DSP: variants seen among roughly 807,000 people sequenced by gnomAD.
DSP encodes the protein 250/210 kDa paraneoplastic pemphigus antigen.
In DSP, 114 loss-of-function variants were observed where a neutral mutation model predicts 290.6. That is an observed-to-expected ratio of 0.39 (90% CI 0.34 to 0.46). The LOEUF (loss-of-function observed/expected upper bound fraction) is 0.46, where lower values mean the gene tolerates loss of function less well. DSP is among the 20% of genes least tolerant of loss of function. DSP has a pLI of 0.99. For missense variants in DSP, 3,230 were observed against 3,495.8 expected (o/e 0.92, Z 1.92); for synonymous variants, 1,311 against 1,316.4 (o/e 1.00, Z 0.09).
intron 19 of DSP, 127 bp from the exon 20 acceptor site, chr6:7,576,832 T>C (rs1359462420): frequency 1.2e-6 from 1 of 852,376 alleles, no homozygotes; most frequent in Non-Finnish European, 1.8e-6. Context: ...TATAAAAATA[T>C]GAGACAAGTA....
chr6:7,573,959 T>C, intron 15 of DSP, 127 bp from the exon 16 acceptor site: 4 of 1,035,290 alleles, frequency 3.9e-6, no homozygotes, highest in Non-Finnish European at 5.8e-6. Context: ...GATGTGTTAA[T>C]TTACTTACCT....
chr6:7,568,745 T>C lies in DSP; in HGVS notation c.1419+156T>C, dbSNP rs1197040614. 3.9e-5 allele frequency among the ~76,000 whole-genome samples: 6 copies of C among 152,360 alleles called. No individual in the cohort carries two copies. The East Asian group carries it at 1.2e-3, about 29-fold the overall frequency. ...GCAGCTATGGAACAAAAGCAGCAGC[T>C]CTGTTCTGAATCATATGGTAGTTGT... is the stretch of plus-strand genomic sequence containing the variant. On this transcript the variant is annotated intron_variant, in intron 11 of 23. Transcript: ENST00000379802.
In DSP at chr6:7,555,837, C is replaced by A; in HGVS notation, c.273+17C>A. 1 of 1,610,372 alleles carries A rather than the reference C, an allele frequency of 6.2e-7. No individual in the cohort carries two copies. Among genetic ancestry groups the A allele is most frequent in the South Asian group, 1.1e-5 (1 of 90,726 alleles). Reference sequence around the variant, plus strand: ...GTGCAGCCTGTAAGCTTTCCCTGTTCCCATCGCTTCTCCCAAAGCCTTGGC... The same window carrying A: ...GTGCAGCCTGTAAGCTTTCCCTGTTACCATCGCTTCTCCCAAAGCCTTGGC... On this transcript the variant is annotated intron_variant, in intron 2 of 23. Coordinates refer to ENST00000379802, the MANE Select transcript of DSP (RefSeq NM_004415.4).
chr6:7,551,939 G>T (rs2237104), intron 1 of DSP, among the ~76,000 whole-genome samples: 40,358 of 151,854 alleles, frequency 0.27, 5,845 homozygotes, highest in African/African-American at 0.38. Flanking sequence ...TCTCGCCTCG[G>T]TCTGTTTCCA....
intron 1 of DSP, among the ~76,000 whole-genome samples, chr6:7,554,082 A>AACACACACACACACACAT (rs1758421942): frequency 8.6e-6 from 1 of 115,898 alleles, no homozygotes; most frequent in African/African-American, 3.7e-5. Flanking sequence ...CTTTCTTTAA[A>AACACACACACACACACAT]ACACACACAC....
In DSP at chr6:7,583,797, A is replaced by G; in HGVS notation, c.6535A>G (p.Lys2179Glu). 1 of 1,614,090 alleles carries G rather than the reference A, an allele frequency of 6.2e-7. No homozygotes were observed. Among genetic ancestry groups the G allele is most frequent in the Non-Finnish European group, 8.5e-7 (1 of 1,179,996 alleles). Residue 2179 changes from lysine to glutamate, a missense_variant, in exon 24 of 24, where the codon AAG (lysine) becomes GAG (glutamate). Lys to Glu is a moderately conservative substitution (Grantham distance 56). Transcript: ENST00000379802. This position sits in a 1 kb window ranked among gnomAD's most constrained non-coding sequence, Gnocchi z 4.0. ...QKNFVDPVTK[K>E]KVSYVQLKER... is the part of the protein sequence containing the mutation. ...AAACTTTGTGGATCCAGTCACCAAA[A>G]AGAAGGTCAGTTACGTGCAGCTGAA...
At chr6:7,577,966 T>C in intron 21 of DSP, 80 bp downstream of exon 21, 1 of 1,124,112 alleles carries the variant, frequency 8.9e-7, no homozygotes, top group Middle Eastern at 2.0e-4. Context: ...GCCTCTTCCC[T>C]TTTCCCTGTC....
chr6:7,567,577 C>T, intron 9 of DSP, 128 bp downstream of exon 9: 1 of 1,145,718 alleles, frequency 8.7e-7, no homozygotes, highest in Non-Finnish European at 1.3e-6. Context: ...ATTTTGAGTG[C>T]AGAGTAGCAT....
chr6:7,571,500 A>C lies in DSP; in HGVS notation c.1819A>C (p.Lys607Gln). Residue 607 changes from lysine (K) to glutamine (Q), a missense_variant, in exon 14 of 24, where the codon AAA (lysine) becomes CAA (glutamine). Physicochemically the swap from Lys to Gln is moderately conservative, Grantham distance 53. Around this residue, in one of 5 missense-constraint regions of DSP, gnomAD observed 81 missense variants for 130.5 expected, o/e 0.62. Transcript: ENST00000379802. ...GATGTTTGGAGATGATGACAAGCGG[A>C]AAATACAGTCTCAGTTCACCGATGC... ...SEMFGDDDKR[K>Q]IQSQFTDAQK... The C allele has an allele frequency of 6.2e-7, 1 of 1,614,244 alleles. No homozygotes were observed. Among genetic ancestry groups the C allele is most frequent in the Non-Finnish European group, 8.5e-7 (1 of 1,180,050 alleles).
chr6:7,575,507 G>T lies in DSP; in HGVS notation c.2630+19G>T. On this transcript the variant is annotated intron_variant, in intron 18 of 23. Transcript: ENST00000379802. Reference sequence around the variant, plus strand: ...ACTTTAGGTATGCCAGCCTCCTCCCGCTCCTTCCCCATCTTCTCCCCTTTT... The same window carrying T: ...ACTTTAGGTATGCCAGCCTCCTCCCTCTCCTTCCCCATCTTCTCCCCTTTT... 2 of 1,613,470 alleles carry T rather than the reference G, an allele frequency of 1.2e-6. No individual in the cohort carries two copies. Among genetic ancestry groups the T allele is most frequent in the East Asian group, 2.2e-5 (1 of 44,880 alleles).
chr6:7,585,405 G>GA lies in DSP; in HGVS notation c.8148dup (p.Trp2717MetfsTer5), dbSNP rs935685902. ...GATGTCAGCAGCAGAGGCAGTGAAA[G>GA]AAAAATGGCTCCCGTATGAGGCTGG... is the stretch of plus-strand genomic sequence containing the variant. On this transcript the variant is annotated frameshift_variant, in exon 24 of 24. Coordinates refer to ENST00000379802, the MANE Select transcript of DSP (RefSeq NM_004415.4). LOFTEE classifies it high-confidence loss of function. 6.2e-7 allele frequency: 1 copy of GA among 1,614,042 alleles called. No individual in the cohort carries two copies. Among genetic ancestry groups the GA allele is most frequent in the Non-Finnish European group, 8.5e-7 (1 of 1,180,004 alleles).
intron 1 of DSP, among the ~76,000 whole-genome samples, chr6:7,547,109 G>A (rs1758189947): frequency 6.6e-6 from 1 of 152,060 alleles, no homozygotes; most frequent in South Asian, 2.1e-4. Context: ...CTGCAGCTGG[G>A]AGCAGTGCCT....
At chr6:7,544,744 T>G (rs1170888475) in intron 1 of DSP, among the ~76,000 whole-genome samples, 2 of 152,154 alleles carry the variant, frequency 1.3e-5, no homozygotes, top group Non-Finnish European at 2.9e-5. Flanking sequence ...CACTTACCCG[T>G]TTTTAGGACA....
At chr6:7,561,693 G>A (rs1040000437) in intron 4 of DSP, among the ~76,000 whole-genome samples, 6 of 152,270 alleles carry the variant, frequency 3.9e-5, no homozygotes, top group East Asian at 1.9e-4. Flanking sequence ...TCAAAGTCCC[G>A]GGTAACCTTC....
At chr6:7,558,044 C>T in intron 2 of DSP, 72 bp from the exon 3 acceptor site, 1 of 1,575,390 alleles carries the variant, frequency 6.3e-7, no homozygotes, top group Non-Finnish European at 8.7e-7. Context: ...GAAGCTCTTG[C>T]TTCCATTAAT....
intron 1 of DSP, among the ~76,000 whole-genome samples, chr6:7,553,101 G>T (rs1581788694): frequency 6.6e-6 from 1 of 152,188 alleles, no homozygotes; most frequent in East Asian, 1.9e-4. Context: ...TACAAAGTTT[G>T]TGTATACCCT....
intron 1 of DSP, among the ~76,000 whole-genome samples, chr6:7,552,037 G>A (rs932091519): frequency 2.0e-5 from 3 of 152,194 alleles, no homozygotes; most frequent in African/African-American, 4.8e-5. Flanking sequence ...ATCAGACGCG[G>A]TCTTGAAAAG....
Position 7,586,340 on chromosome 6 carries a change from C to T in DSP, c.*462C>T, listed in dbSNP as rs1479968733. 5.7e-6 allele frequency: 1 copy of T among 174,530 alleles called. No homozygotes were observed. The highest frequency in any genetic ancestry group is 1.7e-4 in the East Asian group (1 of 5,992). The allele number at this position is 174,530 out of a possible 1,614,324, so 10.8% of individuals were successfully genotyped here. ...CAGCACCAGCCCCCCTCTCAAACCCCCAACCCAAAACCAAGCATTTTGGAA... is the reference window on the plus strand; with the variant it reads ...CAGCACCAGCCCCCCTCTCAAACCCTCAACCCAAAACCAAGCATTTTGGAA... On this transcript the variant is annotated 3_prime_UTR_variant, in exon 24 of 24. Coordinates refer to ENST00000379802, the MANE Select transcript of DSP (RefSeq NM_004415.4).
At chr6:7,568,104 C>T (rs1758918526) in intron 10 of DSP, among the ~76,000 whole-genome samples, 198 bp downstream of exon 10, 1 of 152,196 alleles carries the variant, frequency 6.6e-6, no homozygotes, top group Admixed American at 6.5e-5. Flanking sequence ...GTTACTTTTG[C>T]TTCAGTCTGG....
Sources: allele counts gnomAD v4.1 joint callset (sites outside exome capture counted in the v4.1 genomes callset), GRCh38; gene constraint gnomAD v4.1.1; regional missense constraint gnomAD v4.1.1; non-coding constraint Gnocchi (gnomAD v3.1); transcripts MANE v1.5; gene names NCBI Gene and HGNC (gene_info 2026-07-23, HGNC 2026-07-21).